Variants in TMEM9 observed in about 807,000 individuals in gnomAD.
TMEM9 encodes proton-transporting V-type ATPase complex assembly regulator TMEM9.
TMEM9 carries 13 observed loss-of-function variants against 22.8 expected under a neutral mutation model. That is an observed-to-expected ratio of 0.57 (90% confidence interval 0.37 to 0.91). The LOEUF is 0.91. Ranked by LOEUF, TMEM9 falls within the 40% of genes least tolerant of loss-of-function variation. The pLI, the probability that TMEM9 is intolerant of heterozygous loss-of-function variation, is 0.01. For synonymous variants in TMEM9, 88 were observed against 93.0 expected (o/e 0.95, Z 0.31); for missense variants, 182 against 238.1 (o/e 0.76, Z 1.55).
intron 1 of TMEM9, among the ~76,000 whole-genome samples, chr1:201,152,152 G>A (rs1013583519): frequency 1.5e-4 from 18 of 123,014 alleles, no homozygotes; most frequent in African/African-American, 6.8e-4. Context: ...AGAGGGATGA[G>A]GGGAAATGGG....
At chr1:201,154,892 G>A (rs1317618726), upstream of TMEM9, among the ~76,000 whole-genome samples, 3 of 152,120 alleles carry the variant, frequency 2.0e-5, no homozygotes, top group Admixed American at 6.5e-5. Flanking sequence ...CTTTCTGCGC[G>A]GCAACGTCTC....
At chr1:201,166,451 C>T (rs1315856163) in intron 1 of TMEM9, among the ~76,000 whole-genome samples, 1 of 151,910 alleles carries the variant, frequency 6.6e-6, no homozygotes, top group Non-Finnish European at 1.5e-5. Context: ...CACCCTCTGC[C>T]TCCTGGGTTC....
intron 4 of TMEM9, among the ~76,000 whole-genome samples, chr1:201,139,596 C>A (rs916152832): frequency 7.9e-5 from 12 of 152,198 alleles, no homozygotes; most frequent in Non-Finnish European, 1.5e-4. Context: ...CCCAGCCCAG[C>A]CTCTGGCCAC....
Position 201,135,621 on chromosome 1 carries a change from C to T in TMEM9, c.*42G>A. On this transcript the variant is annotated 3_prime_UTR_variant, in exon 5 of 5. Coordinates refer to ENST00000367330, the MANE Select transcript of TMEM9 (RefSeq NM_001288565.2). ...CTGCTTTGTCCAGCCTGGAAGCTGG[C>T]AGCCATGGTGTTGGGGCCTTGACCC... 2 of 1,532,800 alleles carry T rather than the reference C, an allele frequency of 1.3e-6. No homozygotes were observed. The highest frequency in any genetic ancestry group is 1.8e-6 in the Non-Finnish European group (2 of 1,136,198). The allele number at this position is 1,532,800 out of a possible 1,614,324, so 94.9% of individuals were successfully genotyped here. A position where few individuals can be genotyped will look rare whatever the true frequency, so the allele number is the denominator to read the frequency against.
upstream of TMEM9, among the ~76,000 whole-genome samples, chr1:201,158,157 G>A (rs1404358972): frequency 6.6e-6 from 1 of 152,160 alleles, no homozygotes; most frequent in Non-Finnish European, 1.5e-5. Context: ...AGGACTGTGG[G>A]TGCTGCAGAA....
chr1:201,149,121 A>G (rs563189757), intron 2 of TMEM9, among the ~76,000 whole-genome samples: 5 of 152,350 alleles, frequency 3.3e-5, no homozygotes, highest in Admixed American at 2.0e-4. Flanking sequence ...GAGTTCTTCA[A>G]TGTGGGATCT....
chr1:201,141,601 G>C (rs1041589134), intron 4 of TMEM9, among the ~76,000 whole-genome samples: 3 of 152,102 alleles, frequency 2.0e-5, no homozygotes, highest in African/African-American at 7.2e-5. Flanking sequence ...TGAGAGGTGA[G>C]GGCGTGTCAT....
At chr1:201,158,545 C>G (rs1558120002), upstream of TMEM9, among the ~76,000 whole-genome samples, 1 of 141,756 alleles carries the variant, frequency 7.1e-6, no homozygotes, top group Non-Finnish European at 1.5e-5. Flanking sequence ...GTCTTGATCC[C>G]AGGACAAGCG....
chr1:201,170,135 A>G (rs1005625505), intron 1 of TMEM9, among the ~76,000 whole-genome samples: 1 of 152,230 alleles, frequency 6.6e-6, no homozygotes, highest in African/African-American at 2.4e-5. Context: ...CTGGCATGCC[A>G]TGGGGGTGCA....
intron 4 of TMEM9, among the ~76,000 whole-genome samples, chr1:201,142,696 A>G (rs1166567875): frequency 6.6e-6 from 1 of 152,362 alleles, no homozygotes; most frequent in East Asian, 1.9e-4. Context: ...GTCAATAAAC[A>G]GGAGTATCTT....
At chr1:201,140,488 C>T (rs938445478) in intron 4 of TMEM9, among the ~76,000 whole-genome samples, 1 of 152,208 alleles carries the variant, frequency 6.6e-6, no homozygotes, top group Non-Finnish European at 1.5e-5. Flanking sequence ...GCTCTGCCAG[C>T]GCTTTCAAAG....
At chr1:201,147,006 G>T in intron 2 of TMEM9, 158 bp from the exon 3 acceptor site, 1 of 639,884 alleles carries the variant, frequency 1.6e-6, no homozygotes, top group Non-Finnish European at 2.7e-6. Context: ...GATTAGGCTG[G>T]CAGAAACCCT....
At chr1:201,146,646 C>T (rs1297768053) in intron 3 of TMEM9, 94 bp downstream of exon 3, 1 of 1,328,524 alleles carries the variant, frequency 7.5e-7, no homozygotes, top group East Asian at 2.3e-5. Flanking sequence ...TTGGGACATT[C>T]CAGAATAAAG....
chr1:201,138,097 A>C (rs1000204387), intron 4 of TMEM9, among the ~76,000 whole-genome samples: 4 of 151,860 alleles, frequency 2.6e-5, no homozygotes, highest in Non-Finnish European at 5.9e-5. Flanking sequence ...TTCTGGGACC[A>C]TCTTTCTCAT....
At chr1:201,145,012 C>T (rs764674826) in intron 3 of TMEM9, 7 of 152,278 alleles carry the variant, frequency 4.6e-5, no homozygotes, top group Non-Finnish European at 1.0e-4. Context: ...CTGGGTGCCC[C>T]GCTCAGCCAA....
At chr1:201,144,030 G>T in intron 3 of TMEM9, 79 bp from the exon 4 acceptor site, 1 of 1,536,592 alleles carries the variant, frequency 6.5e-7, no homozygotes, top group Non-Finnish European at 8.9e-7. Flanking sequence ...TGGGCCATCT[G>T]TGTCCGGCTG....
At chr1:201,138,017 T>C (rs1004112077) in intron 4 of TMEM9, among the ~76,000 whole-genome samples, 1 of 152,232 alleles carries the variant, frequency 6.6e-6, no homozygotes, top group African/African-American at 2.4e-5. Context: ...GGGAAGCTAT[T>C]GGCCCACCGG....
intron 4 of TMEM9, 50 bp from the exon 5 acceptor site, chr1:201,135,865 G>T: frequency 1.3e-6 from 2 of 1,501,142 alleles, no homozygotes; most frequent in Admixed American, 2.3e-5. Flanking sequence ...AGCCAGAAGG[G>T]TCTTGGATCC....
chr1:201,163,129 T>C (rs968583312), intron 1 of TMEM9, among the ~76,000 whole-genome samples: 2 of 151,538 alleles, frequency 1.3e-5, no homozygotes, highest in Non-Finnish European at 2.9e-5. Flanking sequence ...CTACCAGAAA[T>C]ACAAAGAATT....
Sources: allele counts gnomAD v4.1 joint callset (sites outside exome capture counted in the v4.1 genomes callset), GRCh38; gene constraint gnomAD v4.1.1; transcripts MANE v1.5; gene names NCBI Gene and HGNC (gene_info 2026-07-23, HGNC 2026-07-21).